The following LGSN variants were observed in gnomAD, a reference collection of about 807,000 sequenced individuals.
LGSN encodes lengsin.
Under a neutral mutation model 19.5 loss-of-function variants are expected in LGSN, and 21 were observed. That is an observed-to-expected ratio of 1.07 (90% CI 0.76 to 1.55). The LOEUF is 1.55. LGSN is among the 40% of genes most tolerant of loss of function. The pLI, the probability that LGSN is intolerant of heterozygous loss-of-function variation, is 0.00. For missense variants in LGSN, 673 were observed against 608.5 expected (o/e 1.11, Z -1.12); for synonymous variants, 257 against 215.6 (o/e 1.19, Z -1.68).
the LGSN span, among the ~76,000 whole-genome samples, chr6:63,366,008 AT>A: frequency 2.6e-5 from 4 of 152,342 alleles, no homozygotes; most frequent in East Asian, 7.7e-4. Flanking sequence ...AACTGGAAGC[AT>A]TCCCTTTGAA....
chr6:63,456,373 A>ACTTT, the LGSN span, among the ~76,000 whole-genome samples: 1 of 42,580 alleles, frequency 2.3e-5, no homozygotes, highest in African/African-American at 5.5e-5. Flanking sequence ...ATATATATAT[A>ACTTT]TATATATATA....
chr6:63,388,593 C>T, the LGSN span, among the ~76,000 whole-genome samples: 3 of 152,072 alleles, frequency 2.0e-5, no homozygotes, highest in Non-Finnish European at 2.9e-5. Context: ...AGGAGAGAGG[C>T]CTCAGAAGAA....
At chr6:63,491,658 T>A in the LGSN span, among the ~76,000 whole-genome samples, 1 of 152,238 alleles carries the variant, frequency 6.6e-6, no homozygotes, top group East Asian at 1.9e-4. Flanking sequence ...TCTTTCTAAT[T>A]GCAATAGATG....
intron 1 of LGSN, among the ~76,000 whole-genome samples, chr6:63,307,717 G>A (rs1768451440): frequency 1.3e-5 from 2 of 152,184 alleles, no homozygotes; most frequent in African/African-American, 4.8e-5. Context: ...CACAAATATT[G>A]CCTGGGCACT....
At chr6:63,390,856 TC>T in the LGSN span, among the ~76,000 whole-genome samples, 5 of 119,462 alleles carry the variant, frequency 4.2e-5, no homozygotes, top group Non-Finnish European at 8.1e-5. Context: ...CAAGACTCCA[TC>T]TCAAAAAAAA....
chr6:63,540,476 C>T, the LGSN span, among the ~76,000 whole-genome samples: 1 of 151,666 alleles, frequency 6.6e-6, no homozygotes, highest in South Asian at 2.1e-4. Flanking sequence ...CAAAAATTAG[C>T]CGGGTGTGGT....
chr6:63,335,653 AAAC>A, the LGSN span, among the ~76,000 whole-genome samples: 1 of 152,216 alleles, frequency 6.6e-6, no homozygotes, highest in African/African-American at 2.4e-5. Flanking sequence ...ATTGTCAAAA[AAAC>A]AATAAATAAC....
At chr6:63,529,938 A>C in the LGSN span, among the ~76,000 whole-genome samples, 1 of 152,208 alleles carries the variant, frequency 6.6e-6, no homozygotes, top group Non-Finnish European at 1.5e-5. Context: ...ATATTTTGCC[A>C]TTACAAATAG....
chr6:63,342,520 A>G, the LGSN span, among the ~76,000 whole-genome samples: 449 of 152,306 alleles, frequency 2.9e-3, 3 homozygotes, highest in African/African-American at 0.01. Context: ...AAATAGTTAT[A>G]CTTTATGTCT....
the LGSN span, among the ~76,000 whole-genome samples, chr6:63,485,557 G>T: frequency 6.6e-6 from 1 of 152,104 alleles, no homozygotes; most frequent in Non-Finnish European, 1.5e-5. Context: ...GTCAGTAATG[G>T]TATTGCTGCG....
the LGSN span, among the ~76,000 whole-genome samples, chr6:63,494,120 T>G: frequency 6.6e-6 from 1 of 151,984 alleles, no homozygotes; most frequent in African/African-American, 2.4e-5. Flanking sequence ...CGGCTAATTT[T>G]TGTATTTTTA....
the LGSN span, among the ~76,000 whole-genome samples, chr6:63,453,685 G>T: frequency 1.4e-4 from 22 of 151,750 alleles, no homozygotes; most frequent in East Asian, 4.1e-3. Context: ...ACAGAGTCTC[G>T]CTCTGTTGCC....
chr6:63,548,912 G>A, the LGSN span: 9 of 887,536 alleles, frequency 1.0e-5, no homozygotes, highest in South Asian at 1.2e-4. Context: ...CGACAGTGGT[G>A]CAGGTCTTCC....
At chr6:63,329,974 G>T in the LGSN span, among the ~76,000 whole-genome samples, 1 of 152,172 alleles carries the variant, frequency 6.6e-6, no homozygotes, top group African/African-American at 2.4e-5. Flanking sequence ...TAGTGTCCAG[G>T]AGGAAGTCAA....
At chr6:63,505,593 G>GAAAA in the LGSN span, among the ~76,000 whole-genome samples, 1 of 127,442 alleles carries the variant, frequency 7.8e-6, no homozygotes, top group Non-Finnish European at 1.6e-5. Context: ...AAGAAAGAAA[G>GAAAA]AAAGAAAGAA....
the LGSN span, among the ~76,000 whole-genome samples, chr6:63,509,155 C>G: frequency 8.6e-5 from 13 of 151,620 alleles, no homozygotes; most frequent in African/African-American, 2.4e-4. Context: ...ACCTCCACCC[C>G]CTAGGTTCAA....
At chr6:63,461,353 T>C in the LGSN span, among the ~76,000 whole-genome samples, 2 of 152,212 alleles carry the variant, frequency 1.3e-5, no homozygotes, top group South Asian at 4.1e-4. Context: ...TGCCCAGCCT[T>C]GTCTGTGCTC....
the LGSN span, among the ~76,000 whole-genome samples, chr6:63,497,918 C>CTTTTTTTTTTTTTTTTTTTT: frequency 8.2e-6 from 1 of 121,902 alleles, no homozygotes; most frequent in African/African-American, 3.5e-5. Context: ...TGTCATGTTT[C>CTTTTTTTTTTTTTTTTTTTT]TTTTTTTTTT....
At chr6:63,570,273 G>A in the LGSN span, among the ~76,000 whole-genome samples, 1 of 152,214 alleles carries the variant, frequency 6.6e-6, no homozygotes, top group East Asian at 1.9e-4. Flanking sequence ...TGAGGTTGCA[G>A]TGAGCAAAGA....
Sources: allele counts gnomAD v4.1 joint callset (sites outside exome capture counted in the v4.1 genomes callset), GRCh38; gene constraint gnomAD v4.1.1; transcripts MANE v1.5; gene names NCBI Gene and HGNC (gene_info 2026-07-23, HGNC 2026-07-21).